The following DNAH17 variants were observed in gnomAD, a reference collection of about 807,000 sequenced individuals.
The protein encoded by DNAH17 is dynein axonemal heavy chain 17.
Under a neutral mutation model 485.6 loss-of-function variants are expected in DNAH17, and 376 were observed. The observed-to-expected ratio is 0.77, with a 90% confidence interval of 0.71 to 0.84. The LOEUF (loss-of-function observed/expected upper bound fraction) is 0.84, where lower values mean the gene tolerates loss of function less well. DNAH17 is among the 40% of genes least tolerant of loss of function. The pLI is 0.00. For synonymous variants in DNAH17, 3,031 were observed against 2,405.9 expected, an observed-to-expected ratio of 1.26 and a Z score of -7.60; for missense variants, 6,370 against 5,839.3, an observed-to-expected ratio of 1.09 and a Z score of -2.96.
chr17:78,498,188 T>C (rs962808728), intron 37 of DNAH17, among the ~76,000 whole-genome samples: 4 of 141,734 alleles, frequency 2.8e-5, no homozygotes, highest in African/African-American at 1.2e-4. Context: ...AATAAATAAA[T>C]AAATAAAGCA....
intron 67 of DNAH17, 128 bp downstream of exon 67, chr17:78,450,544 TTCTCCTGCCC>T: frequency 7.1e-7 from 1 of 1,414,444 alleles, no homozygotes; most frequent in Non-Finnish European, 9.5e-7. Context: ...CCCAGACCCC[TTCTCCTGCCC>T]TGGGCCCACT....
chr17:78,545,191 TTA>T (rs1212958164), intron 16 of DNAH17, among the ~76,000 whole-genome samples: 5 of 152,236 alleles, frequency 3.3e-5, no homozygotes, highest in South Asian at 4.1e-4. Context: ...ACGTGAGTAC[TTA>T]TAGTTTTTCT....
chr17:78,475,557 GC>G (rs1403146584), intron 53 of DNAH17, 88 bp from the exon 54 acceptor site: 5 of 1,601,744 alleles, frequency 3.1e-6, no homozygotes, highest in Non-Finnish European at 4.3e-6. Flanking sequence ...GCTGAGGTGT[GC>G]ACTGTGTGCC....
chr17:78,511,069 C>A (rs1439282262), intron 26 of DNAH17, among the ~76,000 whole-genome samples: 1 of 152,192 alleles, frequency 6.6e-6, no homozygotes, highest in Non-Finnish European at 1.5e-5. Context: ...CTGCTGACAC[C>A]CTGATTTCAG....
intron 44 of DNAH17, among the ~76,000 whole-genome samples, chr17:78,488,351 C>T (rs1305942845): frequency 2.6e-5 from 4 of 152,196 alleles, no homozygotes. Context: ...GACCCTGTGT[C>T]TGCTTCTCGC....
chr17:78,499,264 C>T, intron 36 of DNAH17, 152 bp from the exon 37 acceptor site: 3 of 544,222 alleles, frequency 5.5e-6, no homozygotes, highest in Non-Finnish European at 3.2e-6. Context: ...GGCCAGCAGG[C>T]AGGTCAGCTT....
chr17:78,475,494 A>G (rs1227809075), intron 53 of DNAH17, 25 bp from the exon 54 acceptor site: 2 of 1,608,790 alleles, frequency 1.2e-6, no homozygotes, highest in Admixed American at 1.7e-5. Flanking sequence ...GAGATCCCAC[A>G]ACATCTTGTA....
chr17:78,490,662 C>A, intron 44 of DNAH17, 37 bp downstream of exon 44: 1 of 1,575,732 alleles, frequency 6.3e-7, no homozygotes, highest in Non-Finnish European at 8.6e-7. Context: ...TTTTTCCCTG[C>A]CGAGGTTTGG....
intron 22 of DNAH17, among the ~76,000 whole-genome samples, chr17:78,527,830 G>A (rs2091119238): frequency 6.6e-6 from 1 of 152,092 alleles, no homozygotes; most frequent in Non-Finnish European, 1.5e-5. Context: ...TGAGGCTGGA[G>A]TGCAGTGGTG....
rs1404680339 is a variant in DNAH17 at position 78,543,837 on chromosome 17, C to G, written c.2532+20G>C. Reference sequence around the variant, plus strand: ...TAAAAGCAAGTGGGTTCTCAAAAAACCTCCTGGGTGTTTCCTTACTGCAAC... The same window carrying G: ...TAAAAGCAAGTGGGTTCTCAAAAAAGCTCCTGGGTGTTTCCTTACTGCAAC... On this transcript the variant is annotated intron_variant, in intron 17 of 80. Transcript: ENST00000389840. 1 of 1,613,964 alleles carries G rather than the reference C, an allele frequency of 6.2e-7. No individual in the cohort carries two copies. Among genetic ancestry groups the G allele is most frequent in the Non-Finnish European group, 8.5e-7 (1 of 1,179,896 alleles).
rs1176468733 is a variant in DNAH17 at position 78,480,674 on chromosome 17, T to G, written c.7752+10A>C. 8.1e-6 allele frequency: 13 copies of G among 1,611,096 alleles called. No individual in the cohort carries two copies. Among genetic ancestry groups the G allele is most frequent in the Non-Finnish European group, 1.1e-5 (13 of 1,178,214 alleles). On this transcript the variant is annotated intron_variant, in intron 49 of 80. Coordinates refer to ENST00000389840, the MANE Select transcript of DNAH17 (RefSeq NM_173628.4). ...GGCAGGTGACGGGGATGAGTATGGT[T>G]TCTGCTTACCTGAAGCCTGGAGTCG...
rs1364223249 is a variant in DNAH17, at chr17:78,537,310, T to C, written c.2848A>G (p.Met950Val). 3.2e-6 allele frequency: 5 copies of C among 1,566,048 alleles called. No individual in the cohort carries two copies. Among genetic ancestry groups the C allele is most frequent in the Non-Finnish European group, 8.7e-7 (1 of 1,155,524 alleles). Residue 950 changes from methionine (M) to valine (V), a missense_variant, in exon 19 of 81, where the codon ATG becomes GTG. Physicochemically the swap from Met to Val is conservative, Grantham distance 21. Transcript: ENST00000389840. ...AGGCCAGGACTGACCTTGTAGTTCATCCTGTCCTTGGCCAGCCGAGGGATG... is the reference window on the plus strand; with the variant it reads ...AGGCCAGGACTGACCTTGTAGTTCACCCTGTCCTTGGCCAGCCGAGGGATG... ...RLIPRLAKDR[M>V]NYKMDLEDNT...
chr17:78,454,198 C>T (rs1490585271), intron 64 of DNAH17, among the ~76,000 whole-genome samples: 1 of 152,238 alleles, frequency 6.6e-6, no homozygotes, highest in Non-Finnish European at 1.5e-5. Flanking sequence ...ACCTCCCAGC[C>T]AGCAAATGGC....
In DNAH17 at chr17:78,529,677, G is replaced by C. The variant is rs61741523; in HGVS notation, c.3302C>G (p.Ala1101Gly). ...GCCCATTCTGGCGACTTTCATGAAG[G>C]CTTCCAGGTCAGCCAGGCTAAGGGA... ...HVTNSLADLE[A>G]FMKVARMGLT... The change falls in exon 22 of 81, where the codon GCC (alanine) becomes GGC (glycine). Residue 1101 changes from alanine to glycine, a missense_variant. By Grantham distance (60) the Ala-to-Gly change is moderately conservative. Coordinates refer to ENST00000389840, the MANE Select transcript of DNAH17 (RefSeq NM_173628.4). 286,670 of 1,613,568 alleles carry C rather than the reference G, an allele frequency of 0.18. 27,216 individuals are homozygous for C. The highest frequency in any genetic ancestry group is 0.22 in the South Asian group (20,270 of 91,066).
intron 29 of DNAH17, 141 bp downstream of exon 29, chr17:78,507,137 G>A (rs547379406): frequency 1.0e-6 from 1 of 985,502 alleles, no homozygotes; most frequent in East Asian, 2.6e-5. Context: ...GCTCCCCAGG[G>A]AAAGGCAATT....
At chr17:78,474,594 G>T (rs992163425) in intron 54 of DNAH17, among the ~76,000 whole-genome samples, 1 of 152,038 alleles carries the variant, frequency 6.6e-6, no homozygotes, top group African/African-American at 2.4e-5. Flanking sequence ...ACCAAGGGCA[G>T]GGATCCAACC....
chr17:78,571,293 G>T lies in DNAH17; in HGVS notation c.818C>A (p.Thr273Asn). Residue 273 changes from threonine to asparagine, a missense_variant, in exon 5 of 81, where the codon ACC (threonine) becomes AAC (asparagine). Transcript: ENST00000389840. ...CYWPALQNVY[T>N]NVTEGLKEAN... Reference sequence around the variant, plus strand: ...CACAGGCTCACCTTCAGTGACGTTGGTGTAAACGTTTTGCAGGGCTGGCCA... The same window carrying T: ...CACAGGCTCACCTTCAGTGACGTTGTTGTAAACGTTTTGCAGGGCTGGCCA... 6.2e-7 allele frequency: 1 copy of T among 1,613,424 alleles called. No homozygotes were observed. The highest frequency in any genetic ancestry group is 8.5e-7 in the Non-Finnish European group (1 of 1,179,554).
At chr17:78,538,774 C>G (rs952838112) in intron 18 of DNAH17, among the ~76,000 whole-genome samples, 12 of 152,180 alleles carry the variant, frequency 7.9e-5, no homozygotes, top group African/African-American at 2.7e-4. Flanking sequence ...TGACTGGTTA[C>G]CAGCTGGCAT....
chr17:78,531,499 C>T (rs1465396620), intron 20 of DNAH17, among the ~76,000 whole-genome samples: 2 of 152,024 alleles, frequency 1.3e-5, no homozygotes, highest in African/African-American at 4.8e-5. Context: ...CCACCACGCC[C>T]AGCTAATTTT....
Sources: allele counts gnomAD v4.1 joint callset (sites outside exome capture counted in the v4.1 genomes callset), GRCh38; gene constraint gnomAD v4.1.1; transcripts MANE v1.5; gene names NCBI Gene and HGNC (gene_info 2026-07-23, HGNC 2026-07-21).